The following CAVIN4 variants were observed in gnomAD, a reference collection of about 807,000 sequenced individuals.
CAVIN4 encodes caveolae associated protein 4.
In CAVIN4, 10 loss-of-function variants were observed where a neutral mutation model predicts 18.6. That is an observed-to-expected ratio of 0.54 (90% confidence interval 0.33 to 0.91). CAVIN4 has a LOEUF of 0.91. Ranked by LOEUF, CAVIN4 falls within the 40% of genes least tolerant of loss-of-function variation. The pLI, the probability that CAVIN4 is intolerant of heterozygous loss-of-function variation, is 0.02. For synonymous variants in CAVIN4, 173 were observed against 164.8 expected, an observed-to-expected ratio of 1.05 and a Z score of -0.38; for missense variants, 459 against 440.5, an observed-to-expected ratio of 1.04 and a Z score of -0.38.
intron 1 of CAVIN4, among the ~76,000 whole-genome samples, chr9:100,584,124 A>G (rs943904963): frequency 3.3e-5 from 5 of 152,130 alleles, no homozygotes; most frequent in Non-Finnish European, 5.9e-5. Context: ...TCCCAGATCT[A>G]TACACAGCCT....
intron 1 of CAVIN4, among the ~76,000 whole-genome samples, chr9:100,585,506 G>T (rs111937970): frequency 1.2e-4 from 18 of 152,218 alleles, no homozygotes; most frequent in Admixed American, 3.3e-4. Context: ...AGGAGAGAAG[G>T]AAAGTGAAGA....
chr9:100,579,719 A>G (rs1839408235), intron 1 of CAVIN4, among the ~76,000 whole-genome samples: 2 of 152,214 alleles, frequency 1.3e-5, no homozygotes, highest in South Asian at 4.1e-4. Context: ...CTGTATTTTA[A>G]AAATGAGTAC....
intron 1 of CAVIN4, among the ~76,000 whole-genome samples, chr9:100,585,072 C>G (rs1398108113): frequency 6.6e-6 from 1 of 152,128 alleles, no homozygotes; most frequent in Non-Finnish European, 1.5e-5. Context: ...AAGATGTGAT[C>G]AAAGCTATGC....
rs1013310575 is a variant in CAVIN4 at position 100,578,441 on chromosome 9, A to G, written c.298A>G (p.Ile100Val). Residue 100 changes from isoleucine (I) to valine (V), a missense_variant, in exon 1 of 2, where the codon ATT (isoleucine) becomes GTT (valine). Coordinates refer to ENST00000307584, the MANE Select transcript of CAVIN4 (RefSeq NM_001018116.2). ...GAAAACCCGAAAAGTTAGTGCTCAC[A>G]TTAAAGATGTGAAAGCCCGGGTGGA... is the stretch of plus-strand genomic sequence containing the variant. Reference protein sequence around the residue: ...FEKTRKVSAHIKDVKARVEKQ... With the variant: ...FEKTRKVSAHVKDVKARVEKQ... The G allele has an allele frequency of 1.2e-6, 2 of 1,614,150 alleles. No homozygotes were observed. The highest frequency in any genetic ancestry group is 4.5e-5 in the East Asian group (2 of 44,888).
At position 100,586,398 on chromosome 9, in the gene CAVIN4, G is replaced by A. The variant is rs775073275; in HGVS notation, c.1042G>A (p.Val348Met). 6 of 1,614,106 alleles carry A rather than the reference G, an allele frequency of 3.7e-6. No homozygotes were observed. Among genetic ancestry groups the A allele is most frequent in the East Asian group, 2.2e-5 (1 of 44,888 alleles). The change falls in exon 2 of 2, where the codon GTG becomes ATG. Residue 348 changes from valine (V) to methionine (M), a missense_variant. Transcript: ENST00000307584. The stretch of plus-strand genomic sequence containing the variant: ...TTTAAAAGTTACTTTTAAATCTCAG[G>A]TGAAAGTAGAGGATGATGAATCTCT... ...EPLKVTFKSQ[V>M]KVEDDESLLL...
At chr9:100,583,311 C>T (rs114215327) in intron 1 of CAVIN4, among the ~76,000 whole-genome samples, 2,917 of 152,294 alleles carry the variant, frequency 0.019, 91 homozygotes, top group African/African-American at 0.066. Flanking sequence ...CTGTCTCCCC[C>T]ATCTCAATTA....
Position 100,578,550 on chromosome 9 carries a change from A to G in CAVIN4, c.407A>G (p.Gln136Arg). 6.2e-7 allele frequency: 1 copy of G among 1,612,898 alleles called. No homozygotes were observed. The highest frequency in any genetic ancestry group is 2.2e-5 in the East Asian group (1 of 44,888). ...KKNKFRVVIFQEKFRCPTSLS... is the reference protein window; with the variant it reads ...KKNKFRVVIFREKFRCPTSLS... ...AACAAATTCCGCGTGGTAATATTCC[A>G]GGTAAGCTTGCACTTGTGTTCAGCT... The change falls in exon 1 of 2, where the codon CAG (glutamine) becomes CGG (arginine). Residue 136 changes from glutamine (Q) to arginine (R), a missense_variant and splice_region_variant. Gln to Arg is a conservative substitution (Grantham distance 43). Coordinates refer to ENST00000307584, the MANE Select transcript of CAVIN4 (RefSeq NM_001018116.2).
intron 1 of CAVIN4, among the ~76,000 whole-genome samples, chr9:100,583,382 G>C (rs1163495509): frequency 6.6e-6 from 1 of 152,086 alleles, no homozygotes; most frequent in Non-Finnish European, 1.5e-5. Context: ...TTGACACTCT[G>C]GCACTCCACA....
intron 1 of CAVIN4, among the ~76,000 whole-genome samples, chr9:100,579,673 C>G (rs1371822821): frequency 6.6e-6 from 1 of 152,130 alleles, no homozygotes; most frequent in African/African-American, 2.4e-5. Flanking sequence ...GGAATGTTCA[C>G]TGATGCATAT....
At chr9:100,584,322 A>G (rs1306839569) in intron 1 of CAVIN4, among the ~76,000 whole-genome samples, 1 of 151,794 alleles carries the variant, frequency 6.6e-6, no homozygotes, top group Admixed American at 6.6e-5. Flanking sequence ...AAGCTCTTTC[A>G]CTCTTTTGTC....
intron 1 of CAVIN4, 95 bp downstream of exon 1, chr9:100,578,646 A>G (rs1436495262): frequency 1.7e-6 from 2 of 1,174,422 alleles, no homozygotes; most frequent in African/African-American, 1.5e-5. Context: ...TCACATCTTA[A>G]CTATTGTATA....
At chr9:100,579,281 G>A (rs1302833042) in intron 1 of CAVIN4, among the ~76,000 whole-genome samples, 2 of 152,044 alleles carry the variant, frequency 1.3e-5, no homozygotes, top group Non-Finnish European at 2.9e-5. Flanking sequence ...TTTGGAAATA[G>A]GAACATATTT....
chr9:100,578,481 A>G lies in CAVIN4; in HGVS notation c.338A>G (p.His113Arg). ...GCCCGGGTGGAGAAGCAACAAATTCATGTTAAAAAAGTTGAAGTCAAGCAA... is the reference window on the plus strand; with the variant it reads ...GCCCGGGTGGAGAAGCAACAAATTCGTGTTAAAAAAGTTGAAGTCAAGCAA... ...VKARVEKQQI[H>R]VKKVEVKQEE... Residue 113 changes from histidine to arginine, a missense_variant, in exon 1 of 2, where the codon CAT (histidine) becomes CGT (arginine). Coordinates refer to ENST00000307584, the MANE Select transcript of CAVIN4 (RefSeq NM_001018116.2). The G allele has an allele frequency of 6.2e-7, 1 of 1,614,008 alleles. No individual in the cohort carries two copies. The highest frequency in any genetic ancestry group is 1.1e-5 in the South Asian group (1 of 91,076).
intron 1 of CAVIN4, 70 bp from the exon 2 acceptor site, chr9:100,585,695 C>A: frequency 8.3e-7 from 1 of 1,206,900 alleles, no homozygotes; most frequent in Non-Finnish European, 1.2e-6. Flanking sequence ...CAAGGCATGG[C>A]CAGAAGGTAA....
In CAVIN4 at chr9:100,579,124, T is replaced by C. The variant is rs1587865957; in HGVS notation, c.408+573T>C. On this transcript the variant is annotated intron_variant, in intron 1 of 1. Coordinates refer to ENST00000307584, the MANE Select transcript of CAVIN4 (RefSeq NM_001018116.2). ...GAGGCAATTATTTTTCTTATTATTA[T>C]AGTAATACAAATATATGAGTCACAT... Among the ~76,000 whole-genome samples the C allele has an allele frequency of 2.6e-5, 4 of 152,222 alleles. No homozygotes were observed. In the South Asian group the frequency reaches 8.3e-4, roughly 32 times the overall value.
intron 1 of CAVIN4, among the ~76,000 whole-genome samples, chr9:100,579,942 C>G (rs1433024217): frequency 1.3e-5 from 2 of 151,976 alleles, no homozygotes; most frequent in African/African-American, 4.8e-5. Flanking sequence ...TTTTTAAGAG[C>G]CTGTAGGTTA....
In CAVIN4 at chr9:100,578,228, G is replaced by T. The variant is rs369545613; in HGVS notation, c.85G>T (p.Ala29Ser). ...TGTTACAGAAGATGAAGACCAAGAC[G>T]CTGCTCTTACCATTGTGACTGTGCT... Reference protein sequence around the residue: ...SSVTEDEDQDAALTIVTVLDK... With the variant: ...SSVTEDEDQDSALTIVTVLDK... Residue 29 changes from alanine (A) to serine (S), a missense_variant, in exon 1 of 2, where the codon GCT becomes TCT. Physicochemically the swap from Ala to Ser is moderately conservative, Grantham distance 99 (BLOSUM62 1). Transcript: ENST00000307584. 1.2e-6 allele frequency: 2 copies of T among 1,613,760 alleles called. No homozygotes were observed. Among genetic ancestry groups the T allele is most frequent in the African/African-American group, 2.7e-5 (2 of 74,878 alleles).
Position 100,588,379 on chromosome 9 carries a change from ATT to A in CAVIN4, c.*1930_*1931del. 6.6e-6 allele frequency among the ~76,000 whole-genome samples: 1 copy of A among 152,202 alleles called. No homozygotes were observed. The highest frequency in any genetic ancestry group is 1.9e-4 in the East Asian group (1 of 5,198). On this transcript the variant is annotated 3_prime_UTR_variant, in exon 2 of 2. Transcript: ENST00000307584. Reference sequence around the variant, plus strand: ...TTCTTAAGAACCATAATAAATTTGAATTTAAGAAAATGTTATTACAACATTTG... The same window carrying A: ...TTCTTAAGAACCATAATAAATTTGAATAAGAAAATGTTATTACAACATTTG...
At chr9:100,579,005 G>C (rs1419126988) in intron 1 of CAVIN4, among the ~76,000 whole-genome samples, 1 of 152,132 alleles carries the variant, frequency 6.6e-6, no homozygotes, top group African/African-American at 2.4e-5. Flanking sequence ...GCCTGGAAAG[G>C]CCTAAACAGT....
Sources: allele counts gnomAD v4.1 joint callset (sites outside exome capture counted in the v4.1 genomes callset), GRCh38; gene constraint gnomAD v4.1.1; transcripts MANE v1.5; gene names NCBI Gene and HGNC (gene_info 2026-07-23, HGNC 2026-07-21).